Variants in SOX5 observed in about 807,000 individuals in gnomAD.
SOX5 encodes SRY-box transcription factor 5.
Under a neutral mutation model 92.0 loss-of-function variants are expected in SOX5, and 9 were observed. The ratio of observed to expected loss-of-function variants is 0.10; its 90% confidence interval spans 0.06 to 0.17. The LOEUF (loss-of-function observed/expected upper bound fraction) is 0.17. Among genes scored for constraint, SOX5 ranks in the 10% least tolerant of loss-of-function variants. The pLI is 1.00. For synonymous variants in SOX5, 344 were observed against 336.3 expected (o/e 1.02, Z -0.25); for missense variants, 642 against 944.5 (o/e 0.68, Z 4.20).
chr12:23,662,589 T>C (rs2083208357), intron 7 of SOX5, among the ~76,000 whole-genome samples: 1 of 152,198 alleles, frequency 6.6e-6, no homozygotes, highest in South Asian at 2.1e-4. Context: ...AGCTGTTATA[T>C]ATTTCTTAAA....
At chr12:24,003,404 G>T (rs915576339) in intron 4 of SOX5, among the ~76,000 whole-genome samples, 3 of 151,740 alleles carry the variant, frequency 2.0e-5, no homozygotes, top group African/African-American at 7.3e-5. Context: ...CCTATATGAA[G>T]AAAATCTGCA....
At chr12:24,466,796 G>A (rs1251062584) in intron 1 of SOX5, among the ~76,000 whole-genome samples, 1 of 152,150 alleles carries the variant, frequency 6.6e-6, no homozygotes, top group Non-Finnish European at 1.5e-5. Flanking sequence ...TCAAATGTTT[G>A]AGAATGGACT....
chr12:23,743,211 C>T (rs1291414402), intron 4 of SOX5, among the ~76,000 whole-genome samples: 2 of 152,086 alleles, frequency 1.3e-5, no homozygotes, highest in African/African-American at 4.8e-5. Flanking sequence ...AATGCATGCA[C>T]ATGTCTATGT....
At chr12:23,755,592 A>G in intron 4 of SOX5, 46 bp downstream of exon 4, 2 of 1,355,342 alleles carry the variant, frequency 1.5e-6, no homozygotes, top group Non-Finnish European at 2.1e-6. Context: ...CTGAATATCA[A>G]CTTCATTTTG....
chr12:23,947,945 A>C (rs1944891494), intron 1 of SOX5, among the ~76,000 whole-genome samples: 2 of 152,100 alleles, frequency 1.3e-5, no homozygotes, highest in Admixed American at 1.3e-4. Context: ...ATTTGCAAAA[A>C]GTATAATTAG....
chr12:24,195,639 A>G (rs942563313), intron 4 of SOX5, among the ~76,000 whole-genome samples: 2 of 152,192 alleles, frequency 1.3e-5, no homozygotes, highest in African/African-American at 4.8e-5. Context: ...TGTGGTCCAA[A>G]CTGCATGTCC....
intron 3 of SOX5, among the ~76,000 whole-genome samples, chr12:23,801,614 G>T (rs10734730): frequency 0.46 from 69,895 of 151,866 alleles, 16,438 homozygotes; most frequent in East Asian, 0.84. Flanking sequence ...ATATAAAAAT[G>T]TTCTTTTTAG....
chr12:23,609,296 G>A (rs564230401), intron 8 of SOX5, among the ~76,000 whole-genome samples: 1 of 152,146 alleles, frequency 6.6e-6, no homozygotes. Context: ...AGTTTTAATT[G>A]AATATGTAGT....
At chr12:24,086,793 C>G (rs1287129339) in intron 4 of SOX5, among the ~76,000 whole-genome samples, 1 of 151,906 alleles carries the variant, frequency 6.6e-6, no homozygotes, top group Non-Finnish European at 1.5e-5. Flanking sequence ...ACATATAAAC[C>G]CACTAAGGTT....
intron 7 of SOX5, among the ~76,000 whole-genome samples, chr12:23,654,557 T>C (rs947209075): frequency 6.6e-6 from 1 of 152,114 alleles, no homozygotes; most frequent in African/African-American, 2.4e-5. Context: ...AAGATGAAAT[T>C]TGTTTCCTTA....
intron 1 of SOX5, among the ~76,000 whole-genome samples, chr12:23,930,019 C>A (rs78077489): frequency 6.6e-6 from 1 of 151,966 alleles, no homozygotes; most frequent in East Asian, 1.9e-4. Flanking sequence ...CACACAACAT[C>A]TTTTTCCAAT....
At chr12:23,626,213 A>G (rs1456773691) in intron 8 of SOX5, among the ~76,000 whole-genome samples, 2 of 152,138 alleles carry the variant, frequency 1.3e-5, no homozygotes, top group Non-Finnish European at 2.9e-5. Flanking sequence ...AAGGACCAAA[A>G]AGTATATGGT....
intron 1 of SOX5, among the ~76,000 whole-genome samples, chr12:24,419,305 T>A (rs958989787): frequency 1.3e-4 from 20 of 152,168 alleles, no homozygotes; most frequent in Non-Finnish European, 2.9e-5. Flanking sequence ...GCCAGGCTAA[T>A]TTTTTTGTAT....
chr12:23,812,416 G>A (rs191046519), intron 3 of SOX5, among the ~76,000 whole-genome samples: 169 of 151,794 alleles, frequency 1.1e-3, no homozygotes, highest in African/African-American at 3.7e-3. Flanking sequence ...TCAGTAATTT[G>A]TTCTTCTTGG....
intron 3 of SOX5, among the ~76,000 whole-genome samples, chr12:24,233,718 C>T (rs568927497): frequency 5.3e-5 from 8 of 152,302 alleles, no homozygotes; most frequent in East Asian, 1.9e-4. Flanking sequence ...AAATTGTCAA[C>T]GTTGCTATTT....
chr12:24,068,729 TATATATATATATATATATAC>T (rs1431253669), intron 4 of SOX5, among the ~76,000 whole-genome samples: 8,164 of 98,910 alleles, frequency 0.083, 322 homozygotes, highest in Non-Finnish European at 0.11. Context: ...TATATATATA[TATATATATATATATATATAC>T]ACACACACAC....
At chr12:23,872,302 C>T (rs900414580) in intron 2 of SOX5, among the ~76,000 whole-genome samples, 3 of 151,190 alleles carry the variant, frequency 2.0e-5, no homozygotes, top group African/African-American at 7.3e-5. Flanking sequence ...GTGGGCCACC[C>T]CACCCAGCCC....
At chr12:24,552,213 C>G (rs1473344113) in intron 1 of SOX5, among the ~76,000 whole-genome samples, 1 of 151,024 alleles carries the variant, frequency 6.6e-6, no homozygotes, top group Non-Finnish European at 1.5e-5. Flanking sequence ...ACCACATTAT[C>G]AAAAAAAAAG....
chr12:24,189,402 T>C (rs568536966), intron 4 of SOX5, among the ~76,000 whole-genome samples: 1 of 152,332 alleles, frequency 6.6e-6, no homozygotes, highest in South Asian at 2.1e-4. Context: ...TCAGGACACA[T>C]GGTTTTCCTG....
Sources: allele counts gnomAD v4.1 joint callset (sites outside exome capture counted in the v4.1 genomes callset), GRCh38; gene constraint gnomAD v4.1.1; transcripts MANE v1.5; gene names NCBI Gene and HGNC (gene_info 2026-07-23, HGNC 2026-07-21).